SLBP: variants seen among roughly 807,000 people sequenced by gnomAD.
SLBP encodes the protein stem-loop histone mRNA binding protein, also known as histone RNA hairpin-binding protein.
SLBP carries 29 observed loss-of-function variants against 39.2 expected under a neutral mutation model. That is an observed-to-expected ratio of 0.74 (90% CI 0.55 to 1.01). The LOEUF (loss-of-function observed/expected upper bound fraction) is 1.01, where lower values mean the gene tolerates loss of function less well. Ranked by LOEUF, SLBP falls within the 50% of genes least tolerant of loss-of-function variation. The pLI, the probability that SLBP is intolerant of heterozygous loss-of-function variation, is 0.00. For missense variants in SLBP, 390 were observed against 350.2 expected (o/e 1.11, Z -0.91); for synonymous variants, 129 against 118.7 (o/e 1.09, Z -0.57).
intron 4 of SLBP, 105 bp from the exon 5 acceptor site, chr4:1,699,806 A>G: frequency 8.8e-7 from 1 of 1,135,660 alleles, no homozygotes; most frequent in Non-Finnish European, 1.3e-6. Flanking sequence ...GATTCACTCC[A>G]GATTCCCAAC....
At chr4:1,702,075 G>A (rs1716349410) in intron 3 of SLBP, among the ~76,000 whole-genome samples, 1 of 152,150 alleles carries the variant, frequency 6.6e-6, no homozygotes, top group Non-Finnish European at 1.5e-5. Context: ...TGGACAGGTG[G>A]AATACGCATG....
In SLBP at chr4:1,712,241, G is replaced by A. The variant is rs1159020062; in HGVS notation, c.-53C>T. ...GGGCCGAGGCTGAGGCGGCGGCGGC[G>A]CGGGCAGAGAGCGCAGAGTAGAGCA... On this transcript the variant is annotated 5_prime_UTR_variant, in exon 1 of 8. Coordinates refer to ENST00000489418, the MANE Select transcript of SLBP (RefSeq NM_006527.4). The A allele has an allele frequency of 5.2e-6, 6 of 1,151,632 alleles. No individual in the cohort carries two copies. The highest frequency in any genetic ancestry group is 3.6e-5 in the East Asian group (1 of 27,850). 71.3% of individuals were successfully genotyped at this position (1,151,632 alleles called of 1,614,324 possible). A position where few individuals can be genotyped will look rare whatever the true frequency, so the allele number is the denominator to read the frequency against.
intron 2 of SLBP, 97 bp downstream of exon 2, chr4:1,711,777 G>A: frequency 1.6e-6 from 1 of 607,610 alleles, no homozygotes; most frequent in Admixed American, 4.4e-5. Flanking sequence ...GTGCCGACCT[G>A]ACCGATCCCG....
At chr4:1,694,084 C>T (rs928333226) in intron 7 of SLBP, among the ~76,000 whole-genome samples, 3 of 152,150 alleles carry the variant, frequency 2.0e-5, no homozygotes, top group African/African-American at 7.2e-5. Context: ...CATTTAAAAA[C>T]GGTTTTCTTT....
intron 5 of SLBP, among the ~76,000 whole-genome samples, 184 bp from the exon 6 acceptor site, chr4:1,696,535 T>C (rs917811583): frequency 2.6e-5 from 4 of 151,862 alleles, no homozygotes; most frequent in African/African-American, 9.7e-5. Flanking sequence ...AGCTCAGGAA[T>C]TTAAAAATGG....
intron 5 of SLBP, among the ~76,000 whole-genome samples, chr4:1,698,400 G>A (rs543113623): frequency 3.6e-5 from 3 of 82,662 alleles, no homozygotes; most frequent in East Asian, 5.3e-4. Context: ...AGCAAGACTC[G>A]GTCAGGAGGG....
intron 2 of SLBP, among the ~76,000 whole-genome samples, chr4:1,711,453 C>T (rs184164112): frequency 6.6e-6 from 1 of 152,304 alleles, no homozygotes; most frequent in African/African-American, 2.4e-5. Flanking sequence ...CCATCAAGCC[C>T]TCCTTTCGCT....
intron 3 of SLBP, 53 bp from the exon 4 acceptor site, chr4:1,700,123 G>T: frequency 7.3e-7 from 1 of 1,361,728 alleles, no homozygotes; most frequent in Non-Finnish European, 1.0e-6. Flanking sequence ...AAATAAAGCA[G>T]CCAGGTCTGA....
chr4:1,696,395 A>C (rs200878615), intron 5 of SLBP, 44 bp from the exon 6 acceptor site: 15 of 1,453,130 alleles, frequency 1.0e-5, no homozygotes, highest in Non-Finnish European at 1.4e-5. Flanking sequence ...CATGCCACTC[A>C]CATTTCCACA....
At chr4:1,701,672 C>A (rs574225341) in intron 3 of SLBP, among the ~76,000 whole-genome samples, 1 of 151,996 alleles carries the variant, frequency 6.6e-6, no homozygotes, top group African/African-American at 2.4e-5. Context: ...TTTGGGAGGC[C>A]GAGGCGGGCA....
At position 1,693,520 on chromosome 4, in the gene SLBP, C is replaced by G. The variant is rs1278433618; in HGVS notation, c.*77G>C. The G allele has an allele frequency of 2.4e-6, 2 of 832,026 alleles. No individual in the cohort carries two copies. Among genetic ancestry groups the G allele is most frequent in the Non-Finnish European group, 4.2e-6 (2 of 475,642 alleles). 51.5% of individuals were successfully genotyped at this position (832,026 alleles called of 1,614,324 possible). On this transcript the variant is annotated 3_prime_UTR_variant, in exon 8 of 8. Transcript: ENST00000489418. ...AGAGAAACCACCAGGTACAAGTGCA[C>G]ACACATGCTTGGTGCCTGGCCAGCC... is the stretch of plus-strand genomic sequence containing the variant.
intron 2 of SLBP, among the ~76,000 whole-genome samples, chr4:1,708,084 CG>C (rs1415402649): frequency 9.7e-6 from 1 of 102,604 alleles, no homozygotes; most frequent in Non-Finnish European, 2.0e-5. Context: ...ATCTCAAAAA[CG>C]AAAAAAAAAA....
At chr4:1,706,783 C>G (rs1054934359) in intron 2 of SLBP, among the ~76,000 whole-genome samples, 5 of 117,224 alleles carry the variant, frequency 4.3e-5, no homozygotes, top group African/African-American at 1.4e-4. Context: ...GAGCCGAGAT[C>G]GTGCACTGCA....
Position 1,699,437 on chromosome 4 carries a change from C to T in SLBP, c.479+127G>A, listed in dbSNP as rs1057455728. The stretch of plus-strand genomic sequence containing the variant: ...ATTTACGTCATAAGCCCCAGTAAGT[C>T]CCTATTAAATAGCTCTTAGCAGGTG... On this transcript the variant is annotated intron_variant, in intron 5 of 7. Transcript: ENST00000489418. 5.3e-6 allele frequency: 4 copies of T among 754,334 alleles called. No individual in the cohort carries two copies. The African/African-American group carries it at 6.9e-5, about 13-fold the overall frequency. 46.7% of individuals were successfully genotyped at this position (754,334 alleles called of 1,614,324 possible).
intron 2 of SLBP, among the ~76,000 whole-genome samples, chr4:1,706,745 G>C (rs1411587574): frequency 6.6e-6 from 1 of 152,156 alleles, no homozygotes; most frequent in Non-Finnish European, 1.5e-5. Context: ...GGTGGAAGTT[G>C]CAGTGATCCA....
At chr4:1,703,011 C>T (rs1224161245) in intron 3 of SLBP, among the ~76,000 whole-genome samples, 2 of 151,980 alleles carry the variant, frequency 1.3e-5, no homozygotes, top group African/African-American at 4.8e-5. Context: ...CTTTGGGAGG[C>T]CGAGGTGGGC....
chr4:1,706,443 C>G (rs923407702), intron 2 of SLBP, among the ~76,000 whole-genome samples: 3 of 152,202 alleles, frequency 2.0e-5, no homozygotes, highest in East Asian at 1.9e-4. Flanking sequence ...CAAAGTACCC[C>G]CTGTGCTTGA....
intron 6 of SLBP, among the ~76,000 whole-genome samples, chr4:1,695,813 CTTAA>C (rs1716085610): frequency 6.6e-6 from 1 of 151,594 alleles, no homozygotes; most frequent in African/African-American, 2.4e-5. Flanking sequence ...GCCTTCCTTC[CTTAA>C]TTAAGAACTT....
chr4:1,708,085 GAAAAA>G (rs35817560), intron 2 of SLBP, among the ~76,000 whole-genome samples: 1 of 111,434 alleles, frequency 9.0e-6, no homozygotes, highest in African/African-American at 3.4e-5. Flanking sequence ...TCTCAAAAAC[GAAAAA>G]AAAAAAAAAA....
Sources: allele counts gnomAD v4.1 joint callset (sites outside exome capture counted in the v4.1 genomes callset), GRCh38; gene constraint gnomAD v4.1.1; transcripts MANE v1.5; gene names NCBI Gene and HGNC (gene_info 2026-07-23, HGNC 2026-07-21).